HRH1: variants seen among roughly 807,000 people sequenced by gnomAD.
HRH1 encodes histamine H1 receptor.
Under a neutral mutation model 10.3 loss-of-function variants are expected in HRH1, and 6 were observed. The observed-to-expected ratio is 0.58, with a 90% confidence interval of 0.32 to 1.15. The LOEUF is 1.15. HRH1 is among the 50% of genes most tolerant of loss of function. The pLI is 0.05. For synonymous variants in HRH1, 242 were observed against 236.7 expected, an observed-to-expected ratio of 1.02 and a Z score of -0.21; for missense variants, 514 against 615.3, an observed-to-expected ratio of 0.84 and a Z score of 1.74.
chr3:11,170,011 G>A (rs4684761), intron 1 of HRH1, among the ~76,000 whole-genome samples: 14,946 of 152,056 alleles, frequency 0.098, 912 homozygotes, highest in East Asian at 0.24. Flanking sequence ...CACCTCCCTC[G>A]CTAGGAATGC....
intron 1 of HRH1, among the ~76,000 whole-genome samples, chr3:11,208,910 A>G (rs1938228909): frequency 6.6e-6 from 1 of 152,252 alleles, no homozygotes; most frequent in Non-Finnish European, 1.5e-5. Flanking sequence ...AAGAATATGT[A>G]CATTTTAAAG....
intron 1 of HRH1, among the ~76,000 whole-genome samples, chr3:11,189,657 C>G (rs1214395006): frequency 6.6e-6 from 1 of 152,032 alleles, no homozygotes; most frequent in Non-Finnish European, 1.5e-5. Flanking sequence ...ACTGGCTGGG[C>G]GTGGTGGCTC....
At chr3:11,179,342 C>A (rs934475861) in intron 1 of HRH1, among the ~76,000 whole-genome samples, 1 of 150,980 alleles carries the variant, frequency 6.6e-6, no homozygotes, top group Admixed American at 6.6e-5. Context: ...CAGCCAGGGC[C>A]GGGCGCGGTG....
intron 1 of HRH1, among the ~76,000 whole-genome samples, chr3:11,137,649 G>C (rs1228323859): frequency 6.6e-6 from 1 of 152,138 alleles, no homozygotes; most frequent in East Asian, 1.9e-4. Context: ...GATGGGGGAG[G>C]AGTCCAGTCA....
At chr3:11,201,517 G>A (rs1937907307) in intron 1 of HRH1, among the ~76,000 whole-genome samples, 1 of 152,182 alleles carries the variant, frequency 6.6e-6, no homozygotes. Flanking sequence ...GGAAGTCACT[G>A]TGTCCTGGAT....
At chr3:11,219,700 T>TTGAGA (rs1343241787) in intron 1 of HRH1, among the ~76,000 whole-genome samples, 1 of 127,710 alleles carries the variant, frequency 7.8e-6, no homozygotes, top group African/African-American at 3.2e-5. Context: ...GCAATAAGAG[T>TTGAGA]TGAGACTTCA....
chr3:11,261,361 T>C lies in HRH1; in HGVS notation c.*860T>C, dbSNP rs200895420. ...TGAGGGCTGTACTAGGTTTATCTCA[T>C]TTAAGCCCCACAACACCCCACAGGA... On this transcript the variant is annotated 3_prime_UTR_variant, in exon 2 of 2. Coordinates refer to ENST00000431010, the MANE Select transcript of HRH1 (RefSeq NM_001098212.2). 1.2e-4 allele frequency: 20 copies of C among 167,212 alleles called. No homozygotes were observed. The South Asian group carries it at 3.9e-3, about 33-fold the overall frequency. 10.4% of individuals were successfully genotyped at this position (167,212 alleles called of 1,614,324 possible). A position where few individuals can be genotyped will look rare whatever the true frequency, so the allele number is the denominator to read the frequency against.
intron 1 of HRH1, among the ~76,000 whole-genome samples, chr3:11,157,874 T>C (rs1418247872): frequency 6.6e-6 from 1 of 152,232 alleles, no homozygotes; most frequent in Non-Finnish European, 1.5e-5. Context: ...GACTCCAATG[T>C]CCAACAGACA....
At chr3:11,169,410 A>C (rs1399108896) in intron 1 of HRH1, among the ~76,000 whole-genome samples, 2 of 152,166 alleles carry the variant, frequency 1.3e-5, no homozygotes, top group Non-Finnish European at 1.5e-5. Context: ...AGATGGGGGA[A>C]GTAGGAGAGG....
chr3:11,205,120 G>A (rs899125230), intron 1 of HRH1, among the ~76,000 whole-genome samples: 13 of 152,190 alleles, frequency 8.5e-5, no homozygotes, highest in African/African-American at 1.9e-4. Flanking sequence ...TCATCAGCGC[G>A]GCTGTTCTTG....
chr3:11,194,055 A>T (rs1937596962), intron 1 of HRH1, among the ~76,000 whole-genome samples: 1 of 152,216 alleles, frequency 6.6e-6, no homozygotes. Context: ...TGGTTTGGTC[A>T]TTGGTTTCCA....
chr3:11,247,471 C>G (rs1452004818), intron 1 of HRH1, among the ~76,000 whole-genome samples: 3 of 152,118 alleles, frequency 2.0e-5, no homozygotes, highest in Non-Finnish European at 4.4e-5. Context: ...CCCTCCCAAT[C>G]TAAGCTAATT....
intron 1 of HRH1, among the ~76,000 whole-genome samples, chr3:11,191,794 T>C (rs1221143243): frequency 6.6e-6 from 1 of 152,048 alleles, no homozygotes; most frequent in African/African-American, 2.4e-5. Context: ...ATTCTTCACC[T>C]AAGAAATGTG....
In HRH1 at chr3:11,260,457, A is replaced by G; in HGVS notation, c.1420A>G (p.Asn474Asp). 6.2e-7 allele frequency: 1 copy of G among 1,611,590 alleles called. No homozygotes were observed. Among genetic ancestry groups the G allele is most frequent in the Non-Finnish European group, 8.5e-7 (1 of 1,178,628 alleles). The change falls in exon 2 of 2, where the codon AAC (asparagine) becomes GAC (aspartate). Residue 474 changes from asparagine to aspartate, a missense_variant. Transcript: ENST00000431010. ...NPLIYPLCNE[N>D]FKKTFKRILH... The stretch of plus-strand genomic sequence containing the variant: ...CCTCATCTACCCCTTGTGCAATGAG[A>G]ACTTCAAGAAGACATTCAAGAGAAT...
At chr3:11,178,048 C>A (rs184471648) in intron 1 of HRH1, among the ~76,000 whole-genome samples, 2 of 152,344 alleles carry the variant, frequency 1.3e-5, no homozygotes, top group Non-Finnish European at 1.5e-5. Flanking sequence ...GAGCTTCCAG[C>A]AGCAGAGAAG....
At chr3:11,150,926 C>G (rs1307266286), upstream of HRH1, among the ~76,000 whole-genome samples, 1 of 152,226 alleles carries the variant, frequency 6.6e-6, no homozygotes, top group Non-Finnish European at 1.5e-5. Context: ...TTATCTAATC[C>G]TGACAACAGC....
At chr3:11,147,476 T>G (rs1247403690) in intron 1 of HRH1, among the ~76,000 whole-genome samples, 2 of 152,112 alleles carry the variant, frequency 1.3e-5, no homozygotes, top group Admixed American at 6.5e-5. Flanking sequence ...CAATATGCCA[T>G]GAAGAGGGCA....
At chr3:11,253,477 C>T (rs1449832385) in intron 1 of HRH1, among the ~76,000 whole-genome samples, 2 of 152,122 alleles carry the variant, frequency 1.3e-5, no homozygotes, top group Non-Finnish European at 2.9e-5. Flanking sequence ...ATTCCTTGTC[C>T]GAGGGGGTCT....
intron 1 of HRH1, among the ~76,000 whole-genome samples, chr3:11,205,719 C>T (rs1159101257): frequency 5.3e-5 from 8 of 149,936 alleles, no homozygotes; most frequent in South Asian, 2.1e-4. Context: ...TGGAGTGCAG[C>T]GGCACTATCT....
Sources: allele counts gnomAD v4.1 joint callset (sites outside exome capture counted in the v4.1 genomes callset), GRCh38; gene constraint gnomAD v4.1.1; transcripts MANE v1.5; gene names NCBI Gene and HGNC (gene_info 2026-07-23, HGNC 2026-07-21).